The following BABAM2 variants were observed in gnomAD, a reference collection of about 807,000 sequenced individuals.
BABAM2 encodes the protein BRISC and BRCA1-A complex member 2.
BABAM2 carries 31 observed loss-of-function variants against 54.7 expected under a neutral mutation model. That is an observed-to-expected ratio of 0.57 (90% CI 0.43 to 0.77). The LOEUF (loss-of-function observed/expected upper bound fraction) is 0.77. BABAM2 is among the 30% of genes least tolerant of loss of function. The pLI, the probability that BABAM2 is intolerant of heterozygous loss-of-function variation, is 0.00. For synonymous variants in BABAM2, 167 were observed against 162.9 expected, an observed-to-expected ratio of 1.03 and a Z score of -0.19; for missense variants, 364 against 455.8, an observed-to-expected ratio of 0.80 and a Z score of 1.83.
chr2:28,313,882 C>A (rs1164430072), intron 11 of BABAM2, among the ~76,000 whole-genome samples: 2 of 152,236 alleles, frequency 1.3e-5, no homozygotes, highest in Non-Finnish European at 2.9e-5. Flanking sequence ...TGAGGCTGTC[C>A]ACGGCATTAA....
intron 7 of BABAM2, among the ~76,000 whole-genome samples, chr2:28,190,828 C>G (rs1365622390): frequency 1.3e-5 from 2 of 152,148 alleles, no homozygotes; most frequent in African/African-American, 2.4e-5. Flanking sequence ...TTGGGAGAGA[C>G]ACAAACATTC....
intron 7 of BABAM2, among the ~76,000 whole-genome samples, chr2:28,192,030 T>G (rs371155251): frequency 6.6e-6 from 1 of 151,972 alleles, no homozygotes; most frequent in Non-Finnish European, 1.5e-5. Flanking sequence ...GGAGATTGTT[T>G]TTTGGTTTTT....
intron 7 of BABAM2, among the ~76,000 whole-genome samples, chr2:28,204,306 T>G (rs1382289170): frequency 6.6e-6 from 1 of 152,226 alleles, no homozygotes; most frequent in Non-Finnish European, 1.5e-5. Context: ...TGTATTTGCA[T>G]TAAGCTAGAG....
intron 2 of BABAM2, among the ~76,000 whole-genome samples, chr2:27,906,962 G>T (rs185314402): frequency 6.6e-6 from 1 of 152,150 alleles, no homozygotes; most frequent in African/African-American, 2.4e-5. Context: ...TTTAGTACAG[G>T]TTAATATGCA....
chr2:28,319,224 G>A lies in BABAM2; in HGVS notation c.1089-19226G>A, dbSNP rs1486125693. ...AATAGGGAACCCAACACACAGAACTGAATGGACTTCTCAGGGTCACCTTGG... is the reference window on the plus strand; with the variant it reads ...AATAGGGAACCCAACACACAGAACTAAATGGACTTCTCAGGGTCACCTTGG... On this transcript the variant is annotated intron_variant, in intron 11 of 11. Coordinates refer to ENST00000379624, the MANE Select transcript of BABAM2 (RefSeq NM_199191.3). Among the ~76,000 whole-genome samples, 4 of 152,216 alleles carry A rather than the reference G, an allele frequency of 2.6e-5. No homozygotes were observed. In the East Asian group the frequency reaches 5.8e-4, roughly 22 times the overall value.
At chr2:28,242,298 G>T (rs1443830952) in intron 9 of BABAM2, among the ~76,000 whole-genome samples, 1 of 152,208 alleles carries the variant, frequency 6.6e-6, no homozygotes, top group African/African-American at 2.4e-5. Context: ...AGCACCGATA[G>T]GGGAGAGGGA....
intron 4 of BABAM2, among the ~76,000 whole-genome samples, chr2:27,991,898 G>A (rs1176132002): frequency 1.3e-5 from 2 of 152,108 alleles, no homozygotes; most frequent in Non-Finnish European, 2.9e-5. Flanking sequence ...AGGGTCAAAT[G>A]GTAACTCTAT....
At chr2:28,125,079 C>A (rs1669388162) in intron 6 of BABAM2, among the ~76,000 whole-genome samples, 1 of 152,036 alleles carries the variant, frequency 6.6e-6, no homozygotes, top group South Asian at 2.1e-4. Context: ...AGGAAATTTA[C>A]AAAAGAAATG....
chr2:28,336,239 G>A (rs1485664361), intron 11 of BABAM2, among the ~76,000 whole-genome samples: 2 of 152,300 alleles, frequency 1.3e-5, no homozygotes, highest in East Asian at 3.9e-4. Context: ...GGGACTTAGC[G>A]GCAGGAACCT....
chr2:28,255,435 G>A (rs550392103), intron 10 of BABAM2, among the ~76,000 whole-genome samples: 14 of 151,944 alleles, frequency 9.2e-5, no homozygotes, highest in Admixed American at 2.0e-4. Context: ...CGTCATGCCC[G>A]GCTAATTTTT....
chr2:27,900,906 G>C (rs1665742053), intron 2 of BABAM2, among the ~76,000 whole-genome samples: 3 of 151,942 alleles, frequency 2.0e-5, no homozygotes, highest in Non-Finnish European at 4.4e-5. Context: ...AGCCGGGCAT[G>C]GTAGCGGGTG....
intron 6 of BABAM2, among the ~76,000 whole-genome samples, chr2:28,112,152 TCCCTCCC>T (rs1668137486): frequency 1.4e-4 from 1 of 7,268 alleles, no homozygotes; most frequent in Non-Finnish European, 2.8e-4. Flanking sequence ...TTTCTTTACC[TCCCTCCC>T]TCCCTCCCTC....
At chr2:28,281,598 A>G (rs1686367242) in intron 10 of BABAM2, among the ~76,000 whole-genome samples, 1 of 152,272 alleles carries the variant, frequency 6.6e-6, no homozygotes, top group East Asian at 1.9e-4. Context: ...ATTAGACCCA[A>G]TCTGATGGTG....
intron 4 of BABAM2, among the ~76,000 whole-genome samples, chr2:28,007,542 T>C (rs1169754502): frequency 6.6e-6 from 1 of 152,032 alleles, no homozygotes; most frequent in East Asian, 1.9e-4. Context: ...ATTAGCTACA[T>C]AGAGGCAGAT....
At chr2:27,890,365 C>G, upstream of BABAM2, 1 of 1,609,400 alleles carries the variant, frequency 6.2e-7, no homozygotes, top group Non-Finnish European at 8.5e-7. This position sits in a 1 kb window ranked among gnomAD's most constrained non-coding sequence, Gnocchi z 4.8. Flanking sequence ...GTGCTGCTGT[C>G]CAACCTGGAC....
intron 10 of BABAM2, among the ~76,000 whole-genome samples, chr2:28,295,861 AC>A (rs929578876): frequency 3.9e-5 from 6 of 152,080 alleles, no homozygotes; most frequent in Admixed American, 3.3e-4. Context: ...TAATCCCAGC[AC>A]TTTGGGAGGC....
At chr2:28,054,815 G>C (rs1678270988) in intron 6 of BABAM2, among the ~76,000 whole-genome samples, 1 of 152,204 alleles carries the variant, frequency 6.6e-6, no homozygotes, top group Non-Finnish European at 1.5e-5. Flanking sequence ...GACTAAGATA[G>C]CTATGCTTAC....
intron 4 of BABAM2, among the ~76,000 whole-genome samples, chr2:28,004,041 T>C (rs1482851405): frequency 6.6e-6 from 1 of 151,664 alleles, no homozygotes; most frequent in Non-Finnish European, 1.5e-5. Context: ...GTACTTGGGT[T>C]ATCTACAAGA....
At chr2:28,165,529 C>CTTTTTTTTTT (rs1192641957) in intron 7 of BABAM2, among the ~76,000 whole-genome samples, 25 of 72,258 alleles carry the variant, frequency 3.5e-4, no homozygotes, top group East Asian at 9.6e-4. Context: ...TTTTTCCTTG[C>CTTTTTTTTTT]TTTTTTTTTT....
Sources: gnomAD v4.1 joint callset for allele counts (sites outside exome capture counted in the v4.1 genomes callset) on GRCh38, gnomAD v4.1.1 for gene constraint, Gnocchi (gnomAD v3.1) non-coding constraint, MANE v1.5 for transcripts, NCBI Gene and HGNC (gene_info 2026-07-23, HGNC 2026-07-21) for gene names.